Variants in ZMAT4 observed in about 807,000 individuals in gnomAD.
ZMAT4 encodes the protein zinc finger matrin-type 4.
Under a neutral mutation model 28.7 loss-of-function variants are expected in ZMAT4, and 17 were observed. The observed-to-expected ratio is 0.59, with a 90% CI of 0.41 to 0.89. The LOEUF (loss-of-function observed/expected upper bound fraction) is 0.89, where lower values mean the gene tolerates loss of function less well. Among genes scored for constraint, ZMAT4 ranks in the 40% least tolerant of loss-of-function variants. ZMAT4 has a pLI of 0.00. For missense variants in ZMAT4, 240 were observed against 283.8 expected (o/e 0.85, Z 1.11); for synonymous variants, 117 against 109.2 (o/e 1.07, Z -0.44).
At chr8:40,879,249 C>G (rs549211799) in intron 1 of ZMAT4, among the ~76,000 whole-genome samples, 2 of 152,238 alleles carry the variant, frequency 1.3e-5, no homozygotes, top group Admixed American at 1.3e-4. Flanking sequence ...TGGCCAGACC[C>G]GAGCTCTACA....
rs1289550809 is a variant in ZMAT4 at position 40,675,531 on chromosome 8, C to G, written c.350-600G>C. Among the ~76,000 whole-genome samples, 4 of 152,052 alleles carry G rather than the reference C, an allele frequency of 2.6e-5. No individual in the cohort carries two copies. In the East Asian group the frequency reaches 5.8e-4, roughly 22 times the overall value. ...AAAATAAATATTGGATAAAATGCAACTAAATAAATAAATTCTTAGAGGTAA... is the reference window on the plus strand; with the variant it reads ...AAAATAAATATTGGATAAAATGCAAGTAAATAAATAAATTCTTAGAGGTAA... On this transcript the variant is annotated intron_variant, in intron 4 of 6. Transcript: ENST00000297737.
rs182552757 is a variant in ZMAT4, at chr8:40,800,027, G to A, written c.102+25548C>T. ...AATAAAAACAGAAACAAAAAGCAAGGGCAACAGATAGAGAACAGTAACAAA... is the reference window on the plus strand; with the variant it reads ...AATAAAAACAGAAACAAAAAGCAAGAGCAACAGATAGAGAACAGTAACAAA... On this transcript the variant is annotated intron_variant, in intron 2 of 6. Coordinates refer to ENST00000297737, the MANE Select transcript of ZMAT4 (RefSeq NM_024645.3). Among the ~76,000 whole-genome samples, 4 of 152,110 alleles carry A rather than the reference G, an allele frequency of 2.6e-5. No homozygotes were observed. In the East Asian group the frequency reaches 5.8e-4, roughly 22 times the overall value.
At chr8:40,559,587 C>A (rs180802516) in intron 6 of ZMAT4, among the ~76,000 whole-genome samples, 8 of 152,244 alleles carry the variant, frequency 5.3e-5, no homozygotes, top group Non-Finnish European at 1.2e-4. Flanking sequence ...TGCTTCCCAA[C>A]CTGTCAGAAT....
chr8:40,829,628 C>G (rs111843468), intron 1 of ZMAT4, among the ~76,000 whole-genome samples: 1 of 152,186 alleles, frequency 6.6e-6, no homozygotes, highest in Admixed American at 6.5e-5. Context: ...CCAAATCTTG[C>G]TGAGCTACTG....
intron 6 of ZMAT4, among the ~76,000 whole-genome samples, chr8:40,543,413 T>C (rs1374568220): frequency 6.6e-6 from 1 of 152,194 alleles, no homozygotes; most frequent in Non-Finnish European, 1.5e-5. Context: ...TCAAACTCAA[T>C]GTTGTAGAAA....
intron 3 of ZMAT4, among the ~76,000 whole-genome samples, chr8:40,714,544 T>C (rs376786019): frequency 2.4e-3 from 362 of 152,306 alleles, no homozygotes; most frequent in Non-Finnish European, 3.4e-3. Context: ...TTTGACATCT[T>C]AAAGCAGCTT....
Position 40,662,788 on chromosome 8 carries a change from G to A in ZMAT4, c.577+11916C>T, listed in dbSNP as rs117988330. Among the ~76,000 whole-genome samples the A allele has an allele frequency of 5.3e-3, 813 of 152,132 alleles. 3 individuals carry two copies. The highest frequency in any genetic ancestry group is 0.01 in the Middle Eastern group (3 of 292). On this transcript the variant is annotated intron_variant, in intron 5 of 6. Coordinates refer to ENST00000297737, the MANE Select transcript of ZMAT4 (RefSeq NM_024645.3). ...CCTATTGGAGTTCCCAATAGGAAAC[G>A]TTGACCTTGTCAAGGTGTCTTTGAG...
chr8:40,773,853 GAAAA>G (rs906528061), intron 2 of ZMAT4, among the ~76,000 whole-genome samples: 2 of 146,450 alleles, frequency 1.4e-5, no homozygotes, highest in African/African-American at 5.0e-5. Flanking sequence ...AGTAAAATGA[GAAAA>G]AAAAAGAAAC....
intron 3 of ZMAT4, among the ~76,000 whole-genome samples, chr8:40,756,532 A>T (rs563040115): frequency 2.7e-4 from 40 of 147,618 alleles, no homozygotes; most frequent in African/African-American, 1.0e-3. Flanking sequence ...AAGTGATAGG[A>T]AAAACCCAAA....
chr8:40,778,096 G>T lies in ZMAT4; in HGVS notation c.103-10366C>A, dbSNP rs551195447. The stretch of plus-strand genomic sequence containing the variant: ...AGTAAACACAACTTAAACAAAACTC[G>T]CTTTAAACAGAGCAATAATAGAAGA... On this transcript the variant is annotated intron_variant, in intron 2 of 6. Transcript: ENST00000297737. 6.6e-5 allele frequency among the ~76,000 whole-genome samples: 10 copies of T among 152,174 alleles called. No individual in the cohort carries two copies. In the South Asian group the frequency reaches 1.7e-3, roughly 25 times the overall value.
intron 5 of ZMAT4, among the ~76,000 whole-genome samples, chr8:40,643,415 T>C (rs1348293787): frequency 6.6e-6 from 1 of 152,180 alleles, no homozygotes; most frequent in Non-Finnish European, 1.5e-5. Context: ...AATATGTCAG[T>C]GACCAGTACA....
chr8:40,802,628 C>T (rs999241149), intron 2 of ZMAT4, among the ~76,000 whole-genome samples: 7 of 152,256 alleles, frequency 4.6e-5, no homozygotes, highest in Non-Finnish European at 5.9e-5. Flanking sequence ...GTCAAGGCAT[C>T]AGTTCTTCCC....
At chr8:40,613,420 G>C (rs1369964837) in intron 5 of ZMAT4, among the ~76,000 whole-genome samples, 2 of 151,936 alleles carry the variant, frequency 1.3e-5, no homozygotes, top group African/African-American at 4.8e-5. Flanking sequence ...CTGACTTCAA[G>C]TGATCTGCCC....
At chr8:40,799,475 A>G (rs970412632) in intron 2 of ZMAT4, among the ~76,000 whole-genome samples, 9 of 152,174 alleles carry the variant, frequency 5.9e-5, no homozygotes, top group African/African-American at 2.2e-4. Context: ...AAATTTAAAG[A>G]TTTGTGCCTC....
chr8:40,590,746 C>G (rs62505443), intron 5 of ZMAT4, among the ~76,000 whole-genome samples: 33,772 of 151,248 alleles, frequency 0.22, 4,410 homozygotes, highest in Non-Finnish European at 0.3. Context: ...TCTTGAGACA[C>G]GAATCAACAG....
chr8:40,887,074 G>A (rs967810421), intron 1 of ZMAT4, among the ~76,000 whole-genome samples: 5 of 151,824 alleles, frequency 3.3e-5, no homozygotes, highest in Non-Finnish European at 5.9e-5. Context: ...GGGAGGCTGA[G>A]GTGGGAGAAT....
At chr8:40,747,824 G>A (rs1409944343) in intron 3 of ZMAT4, among the ~76,000 whole-genome samples, 1 of 152,254 alleles carries the variant, frequency 6.6e-6, no homozygotes, top group South Asian at 2.1e-4. Flanking sequence ...TTCTGGGGTT[G>A]CTAATGCCAA....
At chr8:40,710,242 C>A (rs1458170559) in intron 3 of ZMAT4, among the ~76,000 whole-genome samples, 2 of 152,076 alleles carry the variant, frequency 1.3e-5, no homozygotes, top group African/African-American at 2.4e-5. Context: ...GATTTAATTT[C>A]TCAGTTAATT....
Position 40,845,086 on chromosome 8 carries a change from A to G in ZMAT4, c.-4-19406T>C, listed in dbSNP as rs28483515. On this transcript the variant is annotated intron_variant, in intron 1 of 6. Coordinates refer to ENST00000297737, the MANE Select transcript of ZMAT4 (RefSeq NM_024645.3). ...ATTCAGTTCCCGTTAACATGACTGC[A>G]GGTGCCGAGCGAGTCTCTGGGTAGA... Among the ~76,000 whole-genome samples, 1,204 of 152,328 alleles carry G rather than the reference A, an allele frequency of 7.9e-3. 12 individuals are homozygous for G. The highest frequency in any genetic ancestry group is 0.027 in the African/African-American group (1,126 of 41,576).
Sources: gnomAD v4.1 joint callset for allele counts (sites outside exome capture counted in the v4.1 genomes callset) on GRCh38, gnomAD v4.1.1 for gene constraint, MANE v1.5 for transcripts, NCBI Gene and HGNC (gene_info 2026-07-23, HGNC 2026-07-21) for gene names.